The following PKNOX2 variants were observed in gnomAD, a reference collection of about 807,000 sequenced individuals.
PKNOX2 encodes the protein PBX/knotted 1 homeobox 2, also known as homeobox protein PKNOX2.
Under a neutral mutation model 53.1 loss-of-function variants are expected in PKNOX2, and 14 were observed. The observed-to-expected ratio is 0.26, with a 90% confidence interval of 0.17 to 0.41. PKNOX2 has a LOEUF of 0.41. Among genes scored for constraint, PKNOX2 ranks in the 10% least tolerant of loss-of-function variants. The pLI is 1.00. For synonymous variants in PKNOX2, 257 were observed against 242.8 expected (o/e 1.06, Z -0.54); for missense variants, 496 against 602.8 (o/e 0.82, Z 1.85).
intron 2 of PKNOX2, among the ~76,000 whole-genome samples, chr11:125,253,837 C>T (rs755354580): frequency 5.3e-5 from 8 of 152,094 alleles, no homozygotes; most frequent in South Asian, 4.2e-4. Context: ...AGCAGCCAGG[C>T]GTCTAGATAT....
chr11:125,252,336 G>C (rs868637025), intron 2 of PKNOX2, among the ~76,000 whole-genome samples: 1 of 152,194 alleles, frequency 6.6e-6, no homozygotes, highest in Non-Finnish European at 1.5e-5. Flanking sequence ...CTCGAAGGAC[G>C]TGGAAGAGTT....
chr11:125,426,266 CT>C (rs1418375257), intron 10 of PKNOX2, among the ~76,000 whole-genome samples: 1 of 152,256 alleles, frequency 6.6e-6, no homozygotes, highest in East Asian at 1.9e-4. Context: ...ACTAGATTGG[CT>C]TTGCCATTCT....
At chr11:125,256,394 T>C (rs1944400929) in intron 2 of PKNOX2, among the ~76,000 whole-genome samples, 1 of 152,146 alleles carries the variant, frequency 6.6e-6, no homozygotes, top group Non-Finnish European at 1.5e-5. Flanking sequence ...AGTATCCTCC[T>C]TCCTCTGGGA....
intron 7 of PKNOX2, among the ~76,000 whole-genome samples, chr11:125,408,622 G>A (rs1955267409): frequency 6.6e-6 from 1 of 152,200 alleles, no homozygotes; most frequent in Non-Finnish European, 1.5e-5. Context: ...CAGCTCTGGA[G>A]GAGACGCCAA....
chr11:125,184,580 G>A (rs1418413107), intron 1 of PKNOX2, among the ~76,000 whole-genome samples: 1 of 152,224 alleles, frequency 6.6e-6, no homozygotes, highest in Non-Finnish European at 1.5e-5. Context: ...GCCCACCAGT[G>A]TGGAAAGAAG....
At chr11:125,420,582 A>G (rs1956122984) in intron 10 of PKNOX2, among the ~76,000 whole-genome samples, 2 of 152,312 alleles carry the variant, frequency 1.3e-5, no homozygotes, top group African/African-American at 4.8e-5. Flanking sequence ...AGGTTAAAAT[A>G]CTTTCTAACA....
At chr11:125,355,174 A>T (rs1018862747) in intron 4 of PKNOX2, among the ~76,000 whole-genome samples, 3 of 150,752 alleles carry the variant, frequency 2.0e-5, no homozygotes, top group African/African-American at 7.3e-5. Context: ...GGCTGAGGCA[A>T]GGGAATGGCT....
chr11:125,221,116 C>T (rs566588185), intron 1 of PKNOX2, among the ~76,000 whole-genome samples: 34 of 152,248 alleles, frequency 2.2e-4, no homozygotes, highest in Middle Eastern at 3.4e-3. Context: ...GATCGCGCCA[C>T]TGCACTCCAG....
At chr11:125,204,067 G>A (rs1021057301) in intron 1 of PKNOX2, among the ~76,000 whole-genome samples, 1 of 152,100 alleles carries the variant, frequency 6.6e-6, no homozygotes, top group African/African-American at 2.4e-5. Flanking sequence ...AGGGAGAGAG[G>A]TTCGACCTAG....
intron 3 of PKNOX2, among the ~76,000 whole-genome samples, chr11:125,348,636 A>G (rs1049963518): frequency 5.3e-5 from 8 of 152,032 alleles, no homozygotes; most frequent in Non-Finnish European, 1.2e-4. Context: ...CCCCTCCTTA[A>G]CCCCACACAG....
At chr11:125,338,935 C>T (rs910804532) in intron 3 of PKNOX2, among the ~76,000 whole-genome samples, 6 of 152,182 alleles carry the variant, frequency 3.9e-5, no homozygotes, top group South Asian at 2.1e-4. Context: ...AAATGGGTTG[C>T]GTTGCGCAAG....
chr11:125,378,616 G>A lies in PKNOX2; in HGVS notation c.228-6935G>A, dbSNP rs184062594. 3.9e-5 allele frequency among the ~76,000 whole-genome samples: 6 copies of A among 152,358 alleles called. No homozygotes were observed. In the East Asian group the frequency reaches 1.2e-3, roughly 29 times the overall value. Reference sequence around the variant, plus strand: ...TCCAAGGTCAGTCACAGGAAAGGAGGTGGATGGCCCAGGCAGGCAGCCACA... The same window carrying A: ...TCCAAGGTCAGTCACAGGAAAGGAGATGGATGGCCCAGGCAGGCAGCCACA... On this transcript the variant is annotated intron_variant, in intron 5 of 12. Transcript: ENST00000298282.
At chr11:125,334,635 G>C (rs1399949751) in intron 3 of PKNOX2, among the ~76,000 whole-genome samples, 1 of 145,142 alleles carries the variant, frequency 6.9e-6, no homozygotes, top group Non-Finnish European at 1.5e-5. Flanking sequence ...GTCTCACTCT[G>C]TCACCCAGGC....
chr11:125,312,859 G>T (rs1317713338), intron 2 of PKNOX2, among the ~76,000 whole-genome samples: 3 of 152,218 alleles, frequency 2.0e-5, no homozygotes, highest in African/African-American at 7.2e-5. Flanking sequence ...CCTGAGTTGA[G>T]CCTTAGGAAT....
At chr11:125,206,448 C>G (rs1939120251) in intron 1 of PKNOX2, among the ~76,000 whole-genome samples, 1 of 152,040 alleles carries the variant, frequency 6.6e-6, no homozygotes, top group African/African-American at 2.4e-5. Flanking sequence ...GGATTCTGGT[C>G]CAAGGAGTGG....
chr11:125,386,970 G>A (rs1024868944), intron 6 of PKNOX2, among the ~76,000 whole-genome samples: 3 of 152,110 alleles, frequency 2.0e-5, no homozygotes, highest in African/African-American at 7.2e-5. Context: ...GCTTGCTGTC[G>A]GGAGGGTCAG....
intron 1 of PKNOX2, among the ~76,000 whole-genome samples, chr11:125,182,494 C>T (rs547511494): frequency 6.6e-6 from 1 of 152,336 alleles, no homozygotes; most frequent in Non-Finnish European, 1.5e-5. Context: ...ACTTGAGCCT[C>T]AGTGTCCTCA....
In PKNOX2 at chr11:125,430,124, C is replaced by T; in HGVS notation, c.1175C>T (p.Pro392Leu). The T allele has an allele frequency of 6.2e-7, 1 of 1,614,004 alleles. No individual in the cohort carries two copies. Among genetic ancestry groups the T allele is most frequent in the Non-Finnish European group, 8.5e-7 (1 of 1,179,916 alleles). ...AGVLQQQGGA[P>L]GTNPDGSINL... ...GTGCTGCAGCAGCAGGGCGGTGCCC[C>T]AGGGACAAACCCCGATGGTAAGAAC... The change falls in exon 12 of 13, where the codon CCA (proline) becomes CTA (leucine). Residue 392 changes from proline to leucine, a missense_variant. Physicochemically the swap from Pro to Leu is moderately conservative, Grantham distance 98. Coordinates refer to ENST00000298282, the MANE Select transcript of PKNOX2 (RefSeq NM_001382323.2).
intron 2 of PKNOX2, among the ~76,000 whole-genome samples, chr11:125,292,642 G>A (rs747859520): frequency 3.3e-5 from 5 of 152,194 alleles, no homozygotes; most frequent in Non-Finnish European, 5.9e-5. Flanking sequence ...AACGGAGCAG[G>A]TCTAGCCATG....
Sources: allele counts gnomAD v4.1 joint callset (sites outside exome capture counted in the v4.1 genomes callset), GRCh38; gene constraint gnomAD v4.1.1; transcripts MANE v1.5; gene names NCBI Gene and HGNC (gene_info 2026-07-23, HGNC 2026-07-21).